The following LONP2 variants were observed in gnomAD, a reference collection of about 807,000 sequenced individuals.
LONP2 encodes the protein lon peptidase 2, peroxisomal, also known as lon protease homolog 2, peroxisomal.
LONP2 carries 60 observed loss-of-function variants against 85.6 expected under a neutral mutation model. That is an observed-to-expected ratio of 0.70 (90% CI 0.57 to 0.87). The LOEUF is 0.87. Ranked by LOEUF, LONP2 falls within the 40% of genes least tolerant of loss-of-function variation. The pLI is 0.00. For missense variants in LONP2, 860 were observed against 1,063.5 expected, an observed-to-expected ratio of 0.81 and a Z score of 2.66; for synonymous variants, 395 against 389.7, an observed-to-expected ratio of 1.01 and a Z score of -0.16.
intron 14 of LONP2, among the ~76,000 whole-genome samples, chr16:48,348,921 CA>C (rs1438955094): frequency 6.6e-6 from 1 of 152,126 alleles, no homozygotes; most frequent in Non-Finnish European, 1.5e-5. Context: ...AGCACATGTG[CA>C]AAATGGGATA....
chr16:48,302,321 G>A lies in LONP2; in HGVS notation c.1662-851G>A, dbSNP rs541891306. Among the ~76,000 whole-genome samples the A allele has an allele frequency of 2.6e-5, 4 of 152,220 alleles. No homozygotes were observed. In the East Asian group the frequency reaches 5.8e-4, roughly 22 times the overall value. On this transcript the variant is annotated intron_variant, in intron 10 of 14. Coordinates refer to ENST00000285737, the MANE Select transcript of LONP2 (RefSeq NM_031490.5). ...TGAGTATTAGAGTGTTTAGCTAAGA[G>A]CTTTTTATCTGTCTTTTCTCAGAAC...
intron 11 of LONP2, among the ~76,000 whole-genome samples, chr16:48,333,040 C>T (rs952447083): frequency 6.6e-6 from 1 of 152,176 alleles, no homozygotes; most frequent in African/African-American, 2.4e-5. Context: ...AAACAAAACA[C>T]TTCATGAGAC....
At chr16:48,334,652 C>A (rs533800569) in intron 12 of LONP2, 15 of 604,170 alleles carry the variant, frequency 2.5e-5, no homozygotes, top group Non-Finnish European at 4.1e-5. Context: ...CAGCATCAGG[C>A]GCAGGGTGGA....
At chr16:48,331,915 G>A (rs1292909312) in intron 11 of LONP2, among the ~76,000 whole-genome samples, 1 of 152,204 alleles carries the variant, frequency 6.6e-6, no homozygotes, top group Non-Finnish European at 1.5e-5. Context: ...GGTAGTGAGA[G>A]GTTTAATGCT....
rs895061691 is a variant in LONP2 at position 48,356,446 on chromosome 16, C to T, written c.*4644C>T. ...AGTTTTGGTTGTTTCAATGAAGTAA[C>T]ATGTTTAAGCTCACATTATTTGAAG... is the stretch of plus-strand genomic sequence containing the variant. On this transcript the variant is annotated 3_prime_UTR_variant, in exon 15 of 15. Transcript: ENST00000285737. 4.9e-5 allele frequency: 7 copies of T among 144,038 alleles called. No individual in the cohort carries two copies. The highest frequency in any genetic ancestry group is 1.0e-4 in the Non-Finnish European group (7 of 67,048). 8.9% of individuals were successfully genotyped at this position (144,038 alleles called of 1,614,324 possible).
chr16:48,333,537 C>G (rs1307099924), intron 11 of LONP2, among the ~76,000 whole-genome samples: 2 of 152,030 alleles, frequency 1.3e-5, no homozygotes. Flanking sequence ...TGCAGCAACT[C>G]ATGCCTGTAA....
intron 8 of LONP2, among the ~76,000 whole-genome samples, chr16:48,292,692 TAAC>T (rs995587034): frequency 2.0e-5 from 3 of 152,210 alleles, no homozygotes; most frequent in African/African-American, 7.2e-5. Flanking sequence ...AGTCAGCTGT[TAAC>T]AAACTTTAAA....
At chr16:48,282,075 T>C (rs564178784) in intron 8 of LONP2, among the ~76,000 whole-genome samples, 1 of 152,340 alleles carries the variant, frequency 6.6e-6, no homozygotes, top group South Asian at 2.1e-4. Context: ...TGTGTTGTGC[T>C]TCATTGTACT....
At chr16:48,279,703 G>A (rs74016391) in intron 8 of LONP2, among the ~76,000 whole-genome samples, 2,081 of 152,210 alleles carry the variant, frequency 0.014, 48 homozygotes, top group African/African-American at 0.047. Flanking sequence ...ATTTATTTCA[G>A]CCAGTCCTCC....
At chr16:48,244,837 G>A (rs557498588) in intron 1 of LONP2, among the ~76,000 whole-genome samples, 1 of 152,308 alleles carries the variant, frequency 6.6e-6, no homozygotes, top group African/African-American at 2.4e-5. Flanking sequence ...CCTGACACCT[G>A]GTGAAACTAC....
intron 8 of LONP2, among the ~76,000 whole-genome samples, chr16:48,278,356 A>G (rs1438736038): frequency 6.6e-6 from 1 of 151,350 alleles, no homozygotes; most frequent in Non-Finnish European, 1.5e-5. Context: ...TTCTCCCTTC[A>G]CCTCTCACCA....
chr16:48,256,572 C>G (rs1971765399), intron 2 of LONP2, 38 bp from the exon 3 acceptor site: 10 of 1,601,490 alleles, frequency 6.2e-6, no homozygotes, highest in Non-Finnish European at 8.5e-6. Context: ...ACAAATAATG[C>G]CAGATTTCAT....
At chr16:48,277,622 T>G (rs1596937811) in intron 8 of LONP2, 143 bp downstream of exon 8, 1 of 667,346 alleles carries the variant, frequency 1.5e-6, no homozygotes. Flanking sequence ...CTGAGCAATT[T>G]GGCACTTAAA....
chr16:48,334,674 T>C (rs1214909319), intron 12 of LONP2: 1 of 581,216 alleles, frequency 1.7e-6, no homozygotes, highest in Non-Finnish European at 3.3e-6. Flanking sequence ...TCTTTCTGGA[T>C]GTTGTAGTCT....
intron 11 of LONP2, among the ~76,000 whole-genome samples, chr16:48,328,787 G>A (rs148125641): frequency 8.8e-5 from 13 of 147,186 alleles, no homozygotes; most frequent in African/African-American, 3.0e-4. Context: ...AGAGGTTGCA[G>A]TGAGCTGAGA....
intron 11 of LONP2, among the ~76,000 whole-genome samples, chr16:48,329,032 G>T (rs532631614): frequency 6.6e-6 from 1 of 152,110 alleles, no homozygotes; most frequent in Non-Finnish European, 1.5e-5. Flanking sequence ...GTGGTAATCT[G>T]AGTCAGGACT....
intron 8 of LONP2, among the ~76,000 whole-genome samples, chr16:48,295,650 C>G (rs1972652934): frequency 6.6e-6 from 1 of 152,064 alleles, no homozygotes; most frequent in Non-Finnish European, 1.5e-5. Flanking sequence ...CTTTATATTC[C>G]CATAGCAGTT....
At chr16:48,255,206 A>G (rs1289966919) in intron 2 of LONP2, among the ~76,000 whole-genome samples, 4 of 152,160 alleles carry the variant, frequency 2.6e-5, no homozygotes. Flanking sequence ...GCCTGAGACT[A>G]GTGGGGGTTG....
chr16:48,334,476 C>T (rs1017790374), intron 12 of LONP2, 118 bp downstream of exon 12: 3 of 1,282,438 alleles, frequency 2.3e-6, no homozygotes, highest in Non-Finnish European at 3.4e-6. Context: ...TAGCCTTATT[C>T]GACCTTCTTT....
Sources: gnomAD v4.1 joint callset for allele counts (sites outside exome capture counted in the v4.1 genomes callset) on GRCh38, gnomAD v4.1.1 for gene constraint, MANE v1.5 for transcripts, NCBI Gene and HGNC (gene_info 2026-07-23, HGNC 2026-07-21) for gene names.